Variants in L1CAM observed in about 807,000 individuals in gnomAD.
The protein encoded by L1CAM is L1 cell adhesion molecule.
Under a neutral mutation model 93.0 loss-of-function variants are expected in L1CAM, and 8 were observed. That is an observed-to-expected ratio of 0.09 (90% CI 0.05 to 0.16). L1CAM has a LOEUF of 0.16. Ranked by LOEUF, L1CAM falls within the 10% of genes least tolerant of loss-of-function variation. L1CAM has a pLI of 1.00. For synonymous variants in L1CAM, 453 were observed against 453.0 expected (o/e 1.00, Z 0.00); for missense variants, 777 against 1,073.4 (o/e 0.72, Z 3.86).
chrX:153,871,869 C>A (rs1457239962), intron 5 of L1CAM, among the ~76,000 whole-genome samples: 1 of 103,710 alleles, frequency 9.6e-6, no homozygotes, highest in Non-Finnish European at 2.0e-5. Context: ...CCGCCCCCCC[C>A]TCCCCCCGCC....
rs782520081 is a variant in L1CAM at position 153,872,140 on chromosome X, A to G, written c.400+12T>C. The G allele has an allele frequency of 8.4e-7, 1 of 1,197,414 alleles. No homozygotes were observed. Among genetic ancestry groups the G allele is most frequent in the African/African-American group, 1.7e-5 (1 of 57,246 alleles). On this transcript the variant is annotated intron_variant, in intron 5 of 28. Coordinates refer to ENST00000370060, the MANE Select transcript of L1CAM (RefSeq NM_001278116.2). ...GGGACCTGCCCTCCCTGGTCCCTGCAGCGCCTCGCACCCTCGGCCATGAGC... is the reference window on the plus strand; with the variant it reads ...GGGACCTGCCCTCCCTGGTCCCTGCGGCGCCTCGCACCCTCGGCCATGAGC...
chrX:153,869,122 ACT>A lies in L1CAM; in HGVS notation c.1268-172_1268-171del, dbSNP rs2064743652. 20 of 478,988 alleles carry A rather than the reference ACT, an allele frequency of 4.2e-5. No individual in the cohort carries two copies. The East Asian group carries it at 7.3e-4, about 18-fold the overall frequency. The allele number at this position is 478,988 out of a possible 1,213,427, so 39.5% of individuals were successfully genotyped here. The stretch of plus-strand genomic sequence containing the variant: ...GCTGTGTCTCTCTCTGCCTTCAGAC[ACT>A]GCCCTCTGCCTCAGATGCGCCTCTG... On this transcript the variant is annotated intron_variant, in intron 11 of 28. Transcript: ENST00000370060.
chrX:153,885,348 C>T, intron 1 of L1CAM: 1 of 978,662 alleles, frequency 1.0e-6, no homozygotes, highest in Non-Finnish European at 1.3e-6. Flanking sequence ...CCACTCCAGC[C>T]CTGACTGGCC....
Position 153,870,225 on chromosome X carries a change from G to T in L1CAM, c.822C>A (p.Ile274=). The T allele has an allele frequency of 8.3e-7, 1 of 1,211,396 alleles. No individual in the cohort carries two copies. Among genetic ancestry groups the T allele is most frequent in the Non-Finnish European group, 1.1e-6 (1 of 895,123 alleles). ...CIAEGFPTPT[I]KWLRPSGPMP... is the part of the protein sequence containing the mutation. Reference sequence around the variant, plus strand: ...TGGGGCCACTGGGGCGCAGCCATTTGATGGTGGGCGTGGGACTGCCCGGGA... The same window carrying T: ...TGGGGCCACTGGGGCGCAGCCATTTTATGGTGGGCGTGGGACTGCCCGGGA... Residue 274 remains isoleucine, a synonymous_variant, in exon 9 of 29, where the codon ATC becomes ATA. Transcript: ENST00000370060.
At chrX:153,863,153 C>G (rs2064678894) in intron 28 of L1CAM, among the ~76,000 whole-genome samples, 1 of 111,767 alleles carries the variant, frequency 8.9e-6, no homozygotes, top group Admixed American at 9.4e-5. Flanking sequence ...TGTCTGGGGC[C>G]TCCCTTGGGG....
At position 153,873,098 on chromosome X, in the gene L1CAM, G is replaced by A. The variant is rs906267191; in HGVS notation, c.91+130C>T. On this transcript the variant is annotated intron_variant, in intron 3 of 28. Transcript: ENST00000370060. ...AGCCAGCCCCACACAGGTGAGAGAA[G>A]CACATGGTGCTCAGGGAGAGCCGAG... The A allele has an allele frequency of 1.1e-4, 70 of 647,530 alleles. No individual in the cohort carries two copies. The African/African-American group carries it at 1.4e-3, about 13-fold the overall frequency. 53.4% of individuals were successfully genotyped at this position (647,530 alleles called of 1,213,427 possible). A position where few individuals can be genotyped will look rare whatever the true frequency, so the allele number is the denominator to read the frequency against.
At position 153,865,229 on chromosome X, in the gene L1CAM, A is replaced by G. The variant is rs781786411; in HGVS notation, c.2750-19T>C. The G allele has an allele frequency of 8.3e-7, 1 of 1,207,122 alleles. No individual in the cohort carries two copies. Among genetic ancestry groups the G allele is most frequent in the Admixed American group, 2.2e-5 (1 of 45,789 alleles). On this transcript the variant is annotated intron_variant, in intron 21 of 28. Transcript: ENST00000370060. ...CCAGGCACTGCAGGGCACAGAACCG[A>G]GTGGCAGGTAGGTCCTCGCCCAGGT...
At chrX:153,866,568 C>G in intron 19 of L1CAM, 81 bp downstream of exon 19, 2 of 699,041 alleles carry the variant, frequency 2.9e-6, no homozygotes, top group East Asian at 6.4e-5. Context: ...AGGCGCACAC[C>G]AATGCTGAGA....
rs1557094437 is a variant in L1CAM at position 153,875,866 on chromosome X, A to C, written c.-30T>G. ...CCCGGCGGCACCGCGCAGCACAGCC[A>C]GCCGGGCTCGGTTCAGGCTCCGGCC... is the stretch of plus-strand genomic sequence containing the variant. On this transcript the variant is annotated 5_prime_UTR_variant, in exon 2 of 29. Transcript: ENST00000370060. 2 of 1,186,512 alleles carry C rather than the reference A, an allele frequency of 1.7e-6. No individual in the cohort carries two copies.
Position 153,868,367 on chromosome X carries a change from G to A in L1CAM, c.1638C>T (p.Ser546=). 8.2e-7 allele frequency: 1 copy of A among 1,212,129 alleles called. No individual in the cohort carries two copies. The highest frequency in any genetic ancestry group is 1.8e-5 in the South Asian group (1 of 57,021). The change falls in exon 14 of 29, where the codon TCC becomes TCT. Residue 546 remains serine (S), a synonymous_variant. Coordinates refer to ENST00000370060, the MANE Select transcript of L1CAM (RefSeq NM_001278116.2). ...TFTCQASFDP[S]LQPSITWRGD... ...CACGCCAGGTGATGCTGGGCTGCAA[G>A]GAGGGGTCAAAGGAGGCCTGGCACG...
At chrX:153,874,059 G>C (rs1395551321) in intron 2 of L1CAM, among the ~76,000 whole-genome samples, 1 of 112,823 alleles carries the variant, frequency 8.9e-6, no homozygotes, top group Non-Finnish European at 1.9e-5. Flanking sequence ...CCCTGAGCTG[G>C]GGAGGGAGAT....
Position 153,872,148 on chromosome X carries a change from G to A in L1CAM, c.400+4C>T, listed in dbSNP as rs1265312506. On this transcript the variant is annotated splice_donor_region_variant and intron_variant, in intron 5 of 28. Coordinates refer to ENST00000370060, the MANE Select transcript of L1CAM (RefSeq NM_001278116.2). ...CCCTCCCTGGTCCCTGCAGCGCCTC[G>A]CACCCTCGGCCATGAGCCGGATCTC... 1 of 1,203,415 alleles carries A rather than the reference G, an allele frequency of 8.3e-7. No individual in the cohort carries two copies. Among genetic ancestry groups the A allele is most frequent in the Admixed American group, 2.2e-5 (1 of 45,887 alleles).
chrX:153,873,393 C>A, intron 2 of L1CAM, 151 bp from the exon 3 acceptor site: 3 of 578,044 alleles, frequency 5.2e-6, no homozygotes, highest in Non-Finnish European at 9.0e-6. Flanking sequence ...GCAGTGGCAA[C>A]AAGGGGGCAC....
Position 153,869,875 on chromosome X carries a change from G to T in L1CAM, c.1051C>A (p.Arg351Ser). The T allele has an allele frequency of 8.3e-7, 1 of 1,209,848 alleles. No homozygotes were observed. Among genetic ancestry groups the T allele is most frequent in the Non-Finnish European group, 1.1e-6 (1 of 894,625 alleles). The change falls in exon 10 of 29, where the codon CGC becomes AGC. Residue 351 changes from arginine (R) to serine (S), a missense_variant. Physicochemically the swap from Arg to Ser is moderately radical, Grantham distance 110. This residue lies in a region of L1CAM where 574 missense variants were observed against 781.0 expected (regional missense o/e 0.73). Coordinates refer to ENST00000370060, the MANE Select transcript of L1CAM (RefSeq NM_001278116.2). ...SHLYGPGETA[R>S]LDCQVQGRPQ... ...CTGCCCTGGACTTGGCAGTCCAGGC[G>T]GGCAGTCTCTCCTGGCCCATATAGA...
intron 1 of L1CAM, among the ~76,000 whole-genome samples, chrX:153,881,767 A>C (rs999004510): frequency 1.9e-4 from 21 of 111,254 alleles, no homozygotes; most frequent in Non-Finnish European, 3.6e-4. Flanking sequence ...ATTTAGGGAC[A>C]GCAGTGGCCC....
chrX:153,869,867 G>C lies in L1CAM; in HGVS notation c.1059C>G (p.Asp353Glu), dbSNP rs1557092403. The change falls in exon 10 of 29, where the codon GAC becomes GAG. Residue 353 changes from aspartate to glutamate, a missense_variant. Asp to Glu is a conservative substitution (Grantham distance 45). Around this residue, in one of 5 missense-constraint regions of L1CAM, gnomAD observed 574 missense variants for 781.0 expected, o/e 0.73. Transcript: ENST00000370060. ...GTTGGGGCCTGCCCTGGACTTGGCA[G>C]TCCAGGCGGGCAGTCTCTCCTGGCC... ...LYGPGETARL[D>E]CQVQGRPQPE... The C allele has an allele frequency of 1.7e-6, 2 of 1,209,937 alleles. No homozygotes were observed. The highest frequency in any genetic ancestry group is 5.9e-5 in the East Asian group (2 of 33,806).
At chrX:153,865,044 C>G in intron 22 of L1CAM, 44 bp downstream of exon 22, 2 of 1,211,747 alleles carry the variant, frequency 1.7e-6, no homozygotes, top group Non-Finnish European at 2.2e-6. Context: ...GCCCCCTCCC[C>G]GTGGCCCCTC....
At chrX:153,879,118 C>G (rs782227888) in intron 1 of L1CAM, among the ~76,000 whole-genome samples, 71 of 111,225 alleles carry the variant, frequency 6.4e-4, no homozygotes, top group Non-Finnish European at 1.2e-3. Flanking sequence ...CCCTCTACCC[C>G]CCACCAGCAC....
chrX:153,867,728 G>A, intron 16 of L1CAM, 72 bp downstream of exon 16: 2 of 1,040,606 alleles, frequency 1.9e-6, no homozygotes, highest in Non-Finnish European at 1.4e-6. Context: ...GCTCCAGGAG[G>A]AGGGAGGACC....
Sources: gnomAD v4.1 joint callset for allele counts (sites outside exome capture counted in the v4.1 genomes callset) on GRCh38, gnomAD v4.1.1 for gene constraint, gnomAD v4.1.1 regional missense constraint, MANE v1.5 for transcripts, NCBI Gene and HGNC (gene_info 2026-07-23, HGNC 2026-07-21) for gene names.